Variants in CYRIA observed in about 807,000 individuals in gnomAD.
CYRIA encodes CYFIP related Rac1 interactor A.
CYRIA carries 15 observed loss-of-function variants against 43.9 expected under a neutral mutation model. That is an observed-to-expected ratio of 0.34 (90% CI 0.23 to 0.53). CYRIA has a LOEUF of 0.53. Among genes scored for constraint, CYRIA ranks in the 20% least tolerant of loss-of-function variants. The pLI, the probability that CYRIA is intolerant of heterozygous loss-of-function variation, is 0.94. For synonymous variants in CYRIA, 117 were observed against 136.0 expected, an observed-to-expected ratio of 0.86 and a Z score of 0.97; for missense variants, 236 against 394.2, an observed-to-expected ratio of 0.60 and a Z score of 3.40.
At chr2:16,568,708 G>T (rs1382986925) in intron 3 of CYRIA, among the ~76,000 whole-genome samples, 1 of 152,178 alleles carries the variant, frequency 6.6e-6, no homozygotes, top group Non-Finnish European at 1.5e-5. Context: ...ATTTGGAGAA[G>T]AAGAAAAGCA....
chr2:16,578,003 A>G (rs1410570622), intron 3 of CYRIA, among the ~76,000 whole-genome samples: 1 of 152,214 alleles, frequency 6.6e-6, no homozygotes, highest in Non-Finnish European at 1.5e-5. Flanking sequence ...ACTCTCCAGT[A>G]AGTAAAGAAC....
chr2:16,643,346 T>A (rs1276607516), intron 1 of CYRIA, among the ~76,000 whole-genome samples: 1 of 151,838 alleles, frequency 6.6e-6, no homozygotes, highest in Non-Finnish European at 1.5e-5. Flanking sequence ...CAGGGGGAGC[T>A]TGAGGAGCCA....
chr2:16,624,082 A>C (rs1215159460), intron 1 of CYRIA, 63 bp from the exon 2 acceptor site: 1 of 152,244 alleles, frequency 6.6e-6, no homozygotes, highest in African/African-American at 2.4e-5. Context: ...ACTAGTCACA[A>C]TGTATTTTTT....
At chr2:16,581,831 T>C (rs1438930556) in intron 3 of CYRIA, among the ~76,000 whole-genome samples, 2 of 151,792 alleles carry the variant, frequency 1.3e-5, no homozygotes, top group Non-Finnish European at 2.9e-5. Context: ...TGAAAACGAA[T>C]TGTCATACAA....
rs1261211125 is a variant in CYRIA at position 16,551,062 on chromosome 2, A to C, written c.*1874T>G. On this transcript the variant is annotated 3_prime_UTR_variant, in exon 12 of 12. Transcript: ENST00000381323. ...CTGATGAGAGAAACTCCATCCAAGCAGCTGTACTTTTTCAACTTGAAAATC... is the reference window on the plus strand; with the variant it reads ...CTGATGAGAGAAACTCCATCCAAGCCGCTGTACTTTTTCAACTTGAAAATC... 1 of 152,132 alleles carries C rather than the reference A, an allele frequency of 6.6e-6. No homozygotes were observed. The highest frequency in any genetic ancestry group is 6.6e-5 in the Admixed American group (1 of 15,256). The allele number at this position is 152,132 out of a possible 1,614,324, so 9.4% of individuals were successfully genotyped here.
intron 1 of CYRIA, among the ~76,000 whole-genome samples, chr2:16,649,062 T>C (rs529688353): frequency 6.6e-6 from 1 of 151,528 alleles, no homozygotes; most frequent in South Asian, 2.1e-4. Context: ...GGTTGGAAAA[T>C]ACTCAGAAAA....
intron 11 of CYRIA, among the ~76,000 whole-genome samples, chr2:16,553,678 C>T (rs1465908493): frequency 1.3e-5 from 2 of 152,084 alleles, no homozygotes; most frequent in Admixed American, 6.6e-5. Flanking sequence ...TTCCAGATCA[C>T]AAGGTTACTG....
At chr2:16,617,383 C>T (rs531029965) in intron 2 of CYRIA, among the ~76,000 whole-genome samples, 23 of 152,356 alleles carry the variant, frequency 1.5e-4, no homozygotes, top group Admixed American at 1.4e-3. Flanking sequence ...GTGCTGCCAG[C>T]TTACAGCTCC....
intron 2 of CYRIA, among the ~76,000 whole-genome samples, chr2:16,605,187 T>C (rs1668355830): frequency 6.6e-6 from 1 of 152,116 alleles, no homozygotes; most frequent in Non-Finnish European, 1.5e-5. Context: ...TTTAAAATAG[T>C]TCTTTCAATA....
intron 2 of CYRIA, among the ~76,000 whole-genome samples, chr2:16,593,235 T>C (rs925131866): frequency 6.6e-6 from 1 of 152,200 alleles, no homozygotes; most frequent in Non-Finnish European, 1.5e-5. Context: ...CCATTTTTCT[T>C]TATTTTTCAA....
intron 1 of CYRIA, among the ~76,000 whole-genome samples, chr2:16,657,362 A>G (rs1670143614): frequency 6.6e-6 from 1 of 152,142 alleles, no homozygotes; most frequent in African/African-American, 2.4e-5. Context: ...CCAAAACTTA[A>G]TTATAAGCCA....
intron 2 of CYRIA, among the ~76,000 whole-genome samples, chr2:16,601,711 CA>C (rs57235858): frequency 3.2e-3 from 399 of 123,490 alleles, no homozygotes; most frequent in Middle Eastern, 4.6e-3. Flanking sequence ...TTTCCAGTTT[CA>C]AAAAAAAAAA....
chr2:16,664,000 ACT>A (rs1670328224), intron 1 of CYRIA, among the ~76,000 whole-genome samples: 2 of 152,174 alleles, frequency 1.3e-5, no homozygotes, highest in African/African-American at 4.8e-5. Context: ...TAGGGAAATA[ACT>A]CACTTGCTCT....
chr2:16,606,278 T>C (rs1668393116), intron 2 of CYRIA, among the ~76,000 whole-genome samples: 1 of 152,162 alleles, frequency 6.6e-6, no homozygotes, highest in African/African-American at 2.4e-5. Context: ...CTGAGATTTC[T>C]CTACCTGCTG....
At chr2:16,620,048 T>A (rs1199258242) in intron 2 of CYRIA, among the ~76,000 whole-genome samples, 1 of 152,234 alleles carries the variant, frequency 6.6e-6, no homozygotes, top group Non-Finnish European at 1.5e-5. Context: ...GCTTTTGTCT[T>A]TGTCACGTGA....
intron 1 of CYRIA, among the ~76,000 whole-genome samples, chr2:16,659,980 T>C (rs1327642493): frequency 6.6e-6 from 1 of 152,006 alleles, no homozygotes; most frequent in Non-Finnish European, 1.5e-5. Flanking sequence ...ATCAGCCTTT[T>C]ATCAGGATGC....
chr2:16,665,604 G>T (rs952924802), intron 1 of CYRIA, among the ~76,000 whole-genome samples, 176 bp downstream of exon 1: 2 of 151,760 alleles, frequency 1.3e-5, no homozygotes, highest in African/African-American at 4.8e-5. Flanking sequence ...GCTCCCGGAC[G>T]GTGTCCTCCG....
chr2:16,662,689 G>A (rs904301493), intron 1 of CYRIA, among the ~76,000 whole-genome samples: 1 of 152,160 alleles, frequency 6.6e-6, no homozygotes, highest in Non-Finnish European at 1.5e-5. Context: ...CTGCTCACAA[G>A]GGCTGATGTG....
intron 2 of CYRIA, among the ~76,000 whole-genome samples, chr2:16,603,089 C>T (rs1668265843): frequency 6.6e-6 from 1 of 152,160 alleles, no homozygotes; most frequent in African/African-American, 2.4e-5. Context: ...CCTTGCTTAA[C>T]ATGCTTCTGT....
Sources: gnomAD v4.1 joint callset for allele counts (sites outside exome capture counted in the v4.1 genomes callset) on GRCh38, gnomAD v4.1.1 for gene constraint, MANE v1.5 for transcripts, NCBI Gene and HGNC (gene_info 2026-07-23, HGNC 2026-07-21) for gene names.